TMEM232: variants seen among roughly 807,000 people sequenced by gnomAD.
TMEM232 encodes the protein transmembrane protein 232.
Under a neutral mutation model 78.8 loss-of-function variants are expected in TMEM232, and 80 were observed. The observed-to-expected ratio is 1.01, with a 90% confidence interval of 0.85 to 1.22. The LOEUF is 1.22. Among genes scored for constraint, TMEM232 ranks in the 50% most tolerant of loss-of-function variants. TMEM232 has a pLI of 0.00. For missense variants in TMEM232, 881 were observed against 742.2 expected (o/e 1.19, Z -2.17); for synonymous variants, 297 against 254.3 (o/e 1.17, Z -1.60).
intron 2 of TMEM232, among the ~76,000 whole-genome samples, chr5:110,649,552 G>A (rs1442583158): frequency 2.6e-5 from 4 of 152,010 alleles, no homozygotes; most frequent in Admixed American, 6.6e-5. Flanking sequence ...TCATATTCTA[G>A]TAAAGCATAT....
chr5:110,566,616 C>T (rs887364194), intron 11 of TMEM232, among the ~76,000 whole-genome samples: 3 of 151,938 alleles, frequency 2.0e-5, no homozygotes, highest in Non-Finnish European at 4.4e-5. Flanking sequence ...TCATCTTCAT[C>T]GGAGACCACC....
At chr5:110,696,411 C>A (rs1794787828) in intron 1 of TMEM232, among the ~76,000 whole-genome samples, 2 of 152,164 alleles carry the variant, frequency 1.3e-5, no homozygotes, top group African/African-American at 4.8e-5. Context: ...GATGCCCTCT[C>A]TCACCACTCC....
At chr5:110,523,665 C>T (rs953128421) in intron 12 of TMEM232, among the ~76,000 whole-genome samples, 3 of 152,010 alleles carry the variant, frequency 2.0e-5, no homozygotes, top group African/African-American at 7.3e-5. Flanking sequence ...TTACTTTCTA[C>T]ATAAAGACCT....
chr5:110,457,981 T>C (rs1761077042), intron 12 of TMEM232, among the ~76,000 whole-genome samples: 1 of 152,160 alleles, frequency 6.6e-6, no homozygotes, highest in Admixed American at 6.5e-5. Flanking sequence ...TTATAATGTA[T>C]TTAATTAAAA....
intron 11 of TMEM232, among the ~76,000 whole-genome samples, chr5:110,567,819 CA>C (rs1162919202): frequency 6.6e-6 from 1 of 151,888 alleles, no homozygotes; most frequent in Non-Finnish European, 1.5e-5. Flanking sequence ...CTGAACTAGA[CA>C]AGGGAGGAAA....
chr5:110,692,135 A>C (rs1156484414), intron 1 of TMEM232, among the ~76,000 whole-genome samples: 2 of 152,014 alleles, frequency 1.3e-5, no homozygotes, highest in African/African-American at 4.8e-5. Flanking sequence ...GTTAGCCAGG[A>C]TGCTCTTGTA....
At chr5:110,718,343 C>A (rs1449681064) in intron 1 of TMEM232, among the ~76,000 whole-genome samples, 1 of 152,076 alleles carries the variant, frequency 6.6e-6, no homozygotes. Context: ...AAACAGAATA[C>A]ATCTTAAGGC....
chr5:110,549,096 T>C lies in TMEM232; in HGVS notation c.1455+19351A>G, dbSNP rs188807795. Among the ~76,000 whole-genome samples, 3 of 152,162 alleles carry C rather than the reference T, an allele frequency of 2.0e-5. No homozygotes were observed. The East Asian group carries it at 5.8e-4, about 29-fold the overall frequency. Reference sequence around the variant, plus strand: ...AATTAAAATATTGCTTATCACACTTTTTAGGATATTACTAAAATTACATGT... The same window carrying C: ...AATTAAAATATTGCTTATCACACTTCTTAGGATATTACTAAAATTACATGT... On this transcript the variant is annotated intron_variant, in intron 11 of 13. Coordinates refer to ENST00000455884, the MANE Select transcript of TMEM232 (RefSeq NM_001039763.4).
chr5:110,618,546 T>C lies in TMEM232; in HGVS notation c.785A>G (p.Asn262Ser). 4 of 1,548,428 alleles carry C rather than the reference T, an allele frequency of 2.6e-6. No homozygotes were observed. The highest frequency in any genetic ancestry group is 3.5e-6 in the Non-Finnish European group (4 of 1,146,070). The change falls in exon 8 of 14, where the codon AAC becomes AGC. Residue 262 changes from asparagine (N) to serine (S), a missense_variant. Physicochemically the swap from Asn to Ser is conservative, Grantham distance 46 (BLOSUM62 1). Coordinates refer to ENST00000455884, the MANE Select transcript of TMEM232 (RefSeq NM_001039763.4). ...TDSDMGGYEI[N>S]HLLWHCVAAW... ...AGCAACACAGTGCCAGAGCAGGTGGTTAATTTCATATCCTCCCTGATTAAA... is the reference window on the plus strand; with the variant it reads ...AGCAACACAGTGCCAGAGCAGGTGGCTAATTTCATATCCTCCCTGATTAAA...
chr5:110,472,092 AAAG>A (rs1432168475), intron 12 of TMEM232, among the ~76,000 whole-genome samples: 1 of 152,018 alleles, frequency 6.6e-6, no homozygotes, highest in Non-Finnish European at 1.5e-5. Context: ...TCCACATAGG[AAAG>A]GAGGAAGTCG....
At chr5:110,730,882 C>T (rs1422998224), upstream of TMEM232, among the ~76,000 whole-genome samples, 5 of 152,130 alleles carry the variant, frequency 3.3e-5, no homozygotes, top group East Asian at 1.9e-4. Flanking sequence ...AAACCAATCA[C>T]GCCTTCCCAA....
intron 8 of TMEM232, among the ~76,000 whole-genome samples, chr5:110,612,910 T>C (rs1000961960): frequency 2.0e-5 from 3 of 152,138 alleles, no homozygotes; most frequent in African/African-American, 7.2e-5. Flanking sequence ...GTGCCGTTTA[T>C]AAAAGGCCAA....
At chr5:110,498,238 T>C (rs568683343) in intron 12 of TMEM232, among the ~76,000 whole-genome samples, 2 of 152,240 alleles carry the variant, frequency 1.3e-5, no homozygotes, top group East Asian at 1.9e-4. Flanking sequence ...CTTTAGTCAA[T>C]AAACTATTCC....
chr5:110,564,787 G>A (rs1180789013), intron 11 of TMEM232, among the ~76,000 whole-genome samples: 2 of 151,936 alleles, frequency 1.3e-5, no homozygotes, highest in Admixed American at 6.6e-5. Flanking sequence ...TGCTGGACCT[G>A]TAGAGATCAG....
chr5:110,577,857 C>CTGGG (rs1777742045), intron 10 of TMEM232, among the ~76,000 whole-genome samples: 1 of 151,774 alleles, frequency 6.6e-6, no homozygotes, highest in South Asian at 2.1e-4. Flanking sequence ...ACAACATACA[C>CTGGG]TGGGGCCTTT....
At chr5:110,514,798 T>C (rs1029427262) in intron 12 of TMEM232, among the ~76,000 whole-genome samples, 2 of 152,182 alleles carry the variant, frequency 1.3e-5, no homozygotes, top group African/African-American at 4.8e-5. Context: ...GGCCCTCTTC[T>C]ATTTAAACTC....
chr5:110,629,397 T>C (rs1420507359), intron 5 of TMEM232, among the ~76,000 whole-genome samples: 9 of 152,282 alleles, frequency 5.9e-5, no homozygotes, highest in Non-Finnish European at 5.9e-5. Flanking sequence ...TGAAAAATGA[T>C]TTTAAAAGCT....
chr5:110,487,632 C>A (rs1246427157), intron 12 of TMEM232, among the ~76,000 whole-genome samples: 1 of 152,050 alleles, frequency 6.6e-6, no homozygotes, highest in African/African-American at 2.4e-5. Flanking sequence ...GCATGTTAAA[C>A]CATCCCTGCA....
chr5:110,527,571 C>G (rs1458635788), intron 12 of TMEM232, among the ~76,000 whole-genome samples: 1 of 151,864 alleles, frequency 6.6e-6, no homozygotes, highest in African/African-American at 2.4e-5. Context: ...ACAAAAGGCT[C>G]TTACATTAGG....
Sources: gnomAD v4.1 joint callset for allele counts (sites outside exome capture counted in the v4.1 genomes callset) on GRCh38, gnomAD v4.1.1 for gene constraint, MANE v1.5 for transcripts, NCBI Gene and HGNC (gene_info 2026-07-23, HGNC 2026-07-21) for gene names.